ABLIM3: variants seen among roughly 807,000 people sequenced by gnomAD.
ABLIM3 encodes the protein actin binding LIM protein family member 3.
In ABLIM3, 61 loss-of-function variants were observed where a neutral mutation model predicts 109.5. The observed-to-expected ratio is 0.56, with a 90% CI of 0.45 to 0.69. The LOEUF (loss-of-function observed/expected upper bound fraction) is 0.69. ABLIM3 is among the 30% of genes least tolerant of loss of function. The pLI is 0.00. For missense variants in ABLIM3, 796 were observed against 889.5 expected (o/e 0.89, Z 1.34); for synonymous variants, 300 against 324.8 (o/e 0.92, Z 0.82).
In ABLIM3 at chr5:149,252,216, A is replaced by C. The variant is rs771499953; in HGVS notation, c.1857+8A>C. ...CTCTCTGCAGAGTACAAGGTAAAGG[A>C]TGTGCATAGACCCTGGGGGTCTCCA... is the stretch of plus-strand genomic sequence containing the variant. On this transcript the variant is annotated splice_region_variant and intron_variant, in intron 22 of 23. Transcript: ENST00000309868. 1 of 1,613,522 alleles carries C rather than the reference A, an allele frequency of 6.2e-7. No individual in the cohort carries two copies. The highest frequency in any genetic ancestry group is 1.3e-5 in the African/African-American group (1 of 74,978).
intron 3 of ABLIM3, among the ~76,000 whole-genome samples, chr5:149,190,008 C>G (rs1000908793): frequency 6.6e-6 from 1 of 152,200 alleles, no homozygotes; most frequent in African/African-American, 2.4e-5. Context: ...TGATCTATCT[C>G]CACAGAGGGA....
chr5:149,193,729 A>G (rs77935501), intron 3 of ABLIM3, among the ~76,000 whole-genome samples: 7,593 of 152,282 alleles, frequency 0.05, 578 homozygotes, highest in African/African-American at 0.17. Flanking sequence ...TATTAAGACC[A>G]TGTGATCTTG....
At chr5:149,153,470 T>C (rs1580992880) in intron 2 of ABLIM3, among the ~76,000 whole-genome samples, 1 of 152,102 alleles carries the variant, frequency 6.6e-6, no homozygotes, top group African/African-American at 2.4e-5. Context: ...CAGGAGTTGG[T>C]CTCAAGTTCA....
At position 149,206,873 on chromosome 5, in the gene ABLIM3, G is replaced by A. The variant is rs147985434; in HGVS notation, c.449-135G>A. ...TTCTCTCCCCTGGGAGAGCCTCTGG[G>A]AAGCTTCCAGTGTCAGGTGGGAGCA... On this transcript the variant is annotated intron_variant, in intron 5 of 23. Coordinates refer to ENST00000309868, the MANE Select transcript of ABLIM3 (RefSeq NM_014945.5). 1,356 of 1,118,660 alleles carry A rather than the reference G, an allele frequency of 1.2e-3. 19 individuals are homozygous for A. In the African/African-American group the frequency reaches 0.035, roughly 29 times the overall value. 69.3% of individuals were successfully genotyped at this position (1,118,660 alleles called of 1,614,324 possible).
At chr5:149,199,265 G>A (rs963631906) in intron 4 of ABLIM3, 6 of 344,362 alleles carry the variant, frequency 1.7e-5, no homozygotes, top group Non-Finnish European at 2.3e-5. Context: ...GAGTATATAC[G>A]TATTTTTTAA....
At chr5:149,206,263 G>A (rs189220155) in intron 5 of ABLIM3, among the ~76,000 whole-genome samples, 1 of 152,284 alleles carries the variant, frequency 6.6e-6, no homozygotes, top group African/African-American at 2.4e-5. Context: ...GGGAGTGAGG[G>A]CACCTTTCTG....
At chr5:149,166,907 G>A (rs1011735219) in intron 2 of ABLIM3, among the ~76,000 whole-genome samples, 1 of 152,178 alleles carries the variant, frequency 6.6e-6, no homozygotes, top group Admixed American at 6.5e-5. Flanking sequence ...GACAGTTAGT[G>A]GGACAGAATT....
intron 18 of ABLIM3, among the ~76,000 whole-genome samples, chr5:149,248,554 G>T (rs1290132019): frequency 6.6e-6 from 1 of 151,986 alleles, no homozygotes; most frequent in Non-Finnish European, 1.5e-5. Context: ...AGCTGGGCAT[G>T]GTGGTGGGCA....
rs544846864 is a variant in ABLIM3 at position 149,203,613 on chromosome 5, A to G, written c.448+3185A>G. 2.6e-5 allele frequency among the ~76,000 whole-genome samples: 4 copies of G among 152,156 alleles called. 1 individual carries two copies. Among genetic ancestry groups the G allele is most frequent in the African/African-American group, 9.6e-5 (4 of 41,494 alleles). Reference sequence around the variant, plus strand: ...CACCATCAATACCATTGTCACCACCAACACAATCACCACCACCTTCGCCAA... The same window carrying G: ...CACCATCAATACCATTGTCACCACCGACACAATCACCACCACCTTCGCCAA... On this transcript the variant is annotated intron_variant, in intron 5 of 23. Coordinates refer to ENST00000309868, the MANE Select transcript of ABLIM3 (RefSeq NM_014945.5).
intron 8 of ABLIM3, among the ~76,000 whole-genome samples, chr5:149,223,059 G>A (rs976211166): frequency 3.3e-5 from 5 of 151,890 alleles, no homozygotes; most frequent in African/African-American, 1.2e-4. Context: ...ACTTCCTGAA[G>A]TCTGACTCTA....
chr5:149,227,954 T>C (rs1761484532), intron 8 of ABLIM3, among the ~76,000 whole-genome samples: 1 of 152,228 alleles, frequency 6.6e-6, no homozygotes, highest in African/African-American at 2.4e-5. Flanking sequence ...TTTACATTCT[T>C]ATCAGGATAA....
intron 7 of ABLIM3, among the ~76,000 whole-genome samples, chr5:149,211,929 C>A (rs1378267412): frequency 7.2e-5 from 11 of 152,052 alleles, no homozygotes; most frequent in Non-Finnish European, 1.6e-4. Context: ...ATGGTAACCA[C>A]AACCAAGTGG....
intron 2 of ABLIM3, among the ~76,000 whole-genome samples, chr5:149,151,405 G>A (rs1753420571): frequency 6.6e-6 from 1 of 152,192 alleles, no homozygotes; most frequent in Non-Finnish European, 1.5e-5. Flanking sequence ...AGTTTGTGGG[G>A]ACACAATTCA....
intron 3 of ABLIM3, among the ~76,000 whole-genome samples, chr5:149,196,612 A>G (rs1758000702): frequency 6.6e-6 from 1 of 152,220 alleles, no homozygotes; most frequent in Non-Finnish European, 1.5e-5. Flanking sequence ...CCTCAGAACC[A>G]GGGGAGCTGG....
At chr5:149,171,629 G>A (rs1755442845) in intron 2 of ABLIM3, among the ~76,000 whole-genome samples, 1 of 152,178 alleles carries the variant, frequency 6.6e-6, no homozygotes, top group Non-Finnish European at 1.5e-5. Flanking sequence ...TCTGCTTTCT[G>A]TGAAGGTTAA....
rs140605927 is a variant in ABLIM3, at chr5:149,257,915, C to T, written c.1939-376C>T. Among the ~76,000 whole-genome samples, 38 of 152,150 alleles carry T rather than the reference C, an allele frequency of 2.5e-4. No homozygotes were observed. In the East Asian group the frequency reaches 5.4e-3, roughly 22 times the overall value. ...TGGACATGGCTCCTTTTTCTCTCAACGGGGAGTGGGATAACATGAATCCAC... is the reference window on the plus strand; with the variant it reads ...TGGACATGGCTCCTTTTTCTCTCAATGGGGAGTGGGATAACATGAATCCAC... On this transcript the variant is annotated intron_variant, in intron 23 of 23. Coordinates refer to ENST00000309868, the MANE Select transcript of ABLIM3 (RefSeq NM_014945.5).
intron 10 of ABLIM3, among the ~76,000 whole-genome samples, chr5:149,237,042 G>A (rs867025256): frequency 9.2e-5 from 14 of 152,150 alleles, no homozygotes; most frequent in Admixed American, 8.5e-4. Flanking sequence ...CTGTGGGATC[G>A]GAAGGCAGTC....
intron 5 of ABLIM3, among the ~76,000 whole-genome samples, chr5:149,201,699 A>G (rs1202423308): frequency 6.6e-6 from 1 of 152,208 alleles, no homozygotes; most frequent in Non-Finnish European, 1.5e-5. Flanking sequence ...ATACAGTGTT[A>G]TCCTTCACAG....
intron 23 of ABLIM3, among the ~76,000 whole-genome samples, chr5:149,253,993 C>T (rs1754201718): frequency 6.6e-6 from 1 of 152,190 alleles, no homozygotes; most frequent in Non-Finnish European, 1.5e-5. Flanking sequence ...TACATGGCAG[C>T]AGGCAAGAGA....
Sources: gnomAD v4.1 joint callset for allele counts (sites outside exome capture counted in the v4.1 genomes callset) on GRCh38, gnomAD v4.1.1 for gene constraint, MANE v1.5 for transcripts, NCBI Gene and HGNC (gene_info 2026-07-23, HGNC 2026-07-21) for gene names.